The following BTG4 variants were observed in gnomAD, a reference collection of about 807,000 sequenced individuals.
The protein encoded by BTG4 is protein BTG4.
BTG4 carries 10 observed loss-of-function variants against 19.3 expected under a neutral mutation model. The ratio of observed to expected loss-of-function variants is 0.52; its 90% CI spans 0.32 to 0.88. The LOEUF is 0.88. Among genes scored for constraint, BTG4 ranks in the 40% least tolerant of loss-of-function variants. BTG4 has a pLI of 0.04. For synonymous variants in BTG4, 91 were observed against 95.7 expected (o/e 0.95, Z 0.29); for missense variants, 238 against 281.9 (o/e 0.84, Z 1.11).
At chr11:111,390,058 G>A in the BTG4 span, among the ~76,000 whole-genome samples, 4 of 152,322 alleles carry the variant, frequency 2.6e-5, no homozygotes, top group Middle Eastern at 3.4e-3. Context: ...AACACAGTGA[G>A]GTTAAGAAAC....
intron 5 of BTG4, among the ~76,000 whole-genome samples, chr11:111,482,353 C>T (rs1295525019): frequency 2.6e-5 from 4 of 151,978 alleles, no homozygotes; most frequent in African/African-American, 9.7e-5. Flanking sequence ...AATTGAAATA[C>T]TCAACATAGT....
intron 5 of BTG4, among the ~76,000 whole-genome samples, chr11:111,474,472 T>A (rs781493289): frequency 8.5e-5 from 13 of 152,190 alleles, no homozygotes; most frequent in Non-Finnish European, 1.9e-4. Flanking sequence ...TTTGCTCCAC[T>A]TTCTGAGATT....
chr11:111,440,287 C>T, the BTG4 span, among the ~76,000 whole-genome samples: 43 of 152,288 alleles, frequency 2.8e-4, no homozygotes, highest in Non-Finnish European at 4.0e-4. Flanking sequence ...TCTAAAATCC[C>T]AGAATCTCAC....
chr11:111,496,951 C>T (rs896591528), intron 4 of BTG4: 78 of 385,956 alleles, frequency 2.0e-4, no homozygotes, highest in Non-Finnish European at 1.6e-4. Flanking sequence ...TGGAAGGAAA[C>T]CTGTGTATCT....
At chr11:111,468,120 C>T (rs780157344) in intron 5 of BTG4, among the ~76,000 whole-genome samples, 50 of 152,142 alleles carry the variant, frequency 3.3e-4, no homozygotes, top group Non-Finnish European at 4.0e-4. Flanking sequence ...AACTGCTCAT[C>T]GATACTGGAG....
the BTG4 span, among the ~76,000 whole-genome samples, chr11:111,427,750 AC>A: frequency 6.6e-6 from 1 of 152,122 alleles, no homozygotes; most frequent in Non-Finnish European, 1.5e-5. Flanking sequence ...AGCTGCAGCT[AC>A]CCCAAGGGGA....
the BTG4 span, among the ~76,000 whole-genome samples, chr11:111,426,822 C>A: frequency 6.6e-6 from 1 of 152,162 alleles, no homozygotes; most frequent in South Asian, 2.1e-4. Flanking sequence ...GCTCCCAGGC[C>A]GGTGTGGGAA....
chr11:111,389,771 T>G, the BTG4 span, among the ~76,000 whole-genome samples: 1 of 152,244 alleles, frequency 6.6e-6, no homozygotes, highest in Non-Finnish European at 1.5e-5. Flanking sequence ...CTGATCGGCA[T>G]GAGTACGTTT....
At chr11:111,463,669 T>A (rs1863547962), downstream of BTG4, among the ~76,000 whole-genome samples, 3 of 152,352 alleles carry the variant, frequency 2.0e-5, no homozygotes, top group South Asian at 6.2e-4. Context: ...GAAATGACCC[T>A]AAAATCTGAT....
At chr11:111,443,478 C>A in the BTG4 span, among the ~76,000 whole-genome samples, 1 of 152,160 alleles carries the variant, frequency 6.6e-6, no homozygotes, top group Non-Finnish European at 1.5e-5. Flanking sequence ...TATGAGAACA[C>A]TGTACTATCT....
the BTG4 span, among the ~76,000 whole-genome samples, chr11:111,427,192 G>A: frequency 1.3e-5 from 2 of 152,174 alleles, no homozygotes; most frequent in Admixed American, 1.3e-4. Flanking sequence ...GAAAGGATCA[G>A]TTCTCTACCC....
chr11:111,508,281 T>C (rs564548608), intron 1 of BTG4, among the ~76,000 whole-genome samples: 1 of 152,254 alleles, frequency 6.6e-6, no homozygotes, highest in East Asian at 1.9e-4. Flanking sequence ...TTCTAATCTA[T>C]GCTACTTTAT....
intron 5 of BTG4, among the ~76,000 whole-genome samples, chr11:111,479,545 T>G (rs1415719959): frequency 6.6e-6 from 1 of 152,102 alleles, no homozygotes; most frequent in African/African-American, 2.4e-5. Context: ...AAAGAACTTG[T>G]AACATCAGGA....
downstream of BTG4, among the ~76,000 whole-genome samples, chr11:111,491,818 A>G (rs570286458): frequency 3.3e-4 from 50 of 152,252 alleles, no homozygotes; most frequent in African/African-American, 1.2e-3. Context: ...TTCAAAATGT[A>G]GATTAGGAAG....
At chr11:111,408,465 T>A in the BTG4 span, among the ~76,000 whole-genome samples, 1 of 152,198 alleles carries the variant, frequency 6.6e-6, no homozygotes, top group Non-Finnish European at 1.5e-5. Flanking sequence ...ATATGGCTAT[T>A]GGCCCAGGAC....
Position 111,494,831 on chromosome 11 carries a change from C to A in BTG4, c.*304G>T, listed in dbSNP as rs566882314. ...ACTAAGAAGTATTAAAAACACTGTACGTTTATTTAAACCATTACTTTTCAT... is the reference window on the plus strand; with the variant it reads ...ACTAAGAAGTATTAAAAACACTGTAAGTTTATTTAAACCATTACTTTTCAT... On this transcript the variant is annotated 3_prime_UTR_variant, in exon 5 of 5. Coordinates refer to ENST00000692032, the MANE Select transcript of BTG4 (RefSeq NM_001367975.1). 1.1e-6 allele frequency: 1 copy of A among 934,056 alleles called. No individual in the cohort carries two copies. Among genetic ancestry groups the A allele is most frequent in the Non-Finnish European group, 1.3e-6 (1 of 783,114 alleles). 57.9% of individuals were successfully genotyped at this position (934,056 alleles called of 1,614,324 possible).
chr11:111,431,084 A>G, the BTG4 span, among the ~76,000 whole-genome samples: 1 of 152,192 alleles, frequency 6.6e-6, no homozygotes, highest in East Asian at 1.9e-4. Context: ...GATATTCAAA[A>G]GCAGAAATTA....
the BTG4 span, among the ~76,000 whole-genome samples, chr11:111,419,132 A>G: frequency 5.3e-5 from 8 of 152,176 alleles, no homozygotes; most frequent in Non-Finnish European, 8.8e-5. Context: ...CTCCTTAAAG[A>G]CCTTATCTCC....
intron 1 of BTG4, among the ~76,000 whole-genome samples, chr11:111,510,278 CA>C (rs1170050777): frequency 2.6e-5 from 4 of 152,112 alleles, no homozygotes. Context: ...TAAATTAAGT[CA>C]ATATAAATGT....
Sources: allele counts gnomAD v4.1 joint callset (sites outside exome capture counted in the v4.1 genomes callset), GRCh38; gene constraint gnomAD v4.1.1; transcripts MANE v1.5; gene names NCBI Gene and HGNC (gene_info 2026-07-23, HGNC 2026-07-21).